Variants in MICAL3 observed in about 807,000 individuals in gnomAD.
MICAL3 encodes the protein [F-actin]-monooxygenase MICAL3.
A neutral mutation model predicts 207.4 loss-of-function variants in MICAL3; 62 were observed. The observed-to-expected ratio is 0.30, with a 90% CI of 0.24 to 0.37. The LOEUF is 0.37. Among genes scored for constraint, MICAL3 ranks in the 10% least tolerant of loss-of-function variants. MICAL3 has a pLI of 1.00. For missense variants in MICAL3, 2,368 were observed against 2,635.6 expected (o/e 0.90, Z 2.22); for synonymous variants, 1,077 against 1,069.3 (o/e 1.01, Z -0.14).
chr22:17,818,665 C>T lies in MICAL3; in HGVS notation c.3996G>A (p.Ala1332=), dbSNP rs372584456. 1.7e-4 allele frequency: 282 copies of T among 1,613,576 alleles called. No individual in the cohort carries two copies. The Middle Eastern group carries it at 3.0e-3, about 17-fold the overall frequency. The change falls in exon 26 of 32, where the codon GCG becomes GCA. Residue 1332 remains alanine (A), a synonymous_variant. Coordinates refer to ENST00000441493, the MANE Select transcript of MICAL3 (RefSeq NM_015241.3). ...DLVEEFWMKS[A]EIRRSLGLTP... is the part of the protein sequence containing the mutation. Reference sequence around the variant, plus strand: ...TGAGCCCGAGGCTGCGGCGGATCTCCGCACTCTTCATCCAGAACTCCTCCA... The same window carrying T: ...TGAGCCCGAGGCTGCGGCGGATCTCTGCACTCTTCATCCAGAACTCCTCCA...
intron 1 of MICAL3, among the ~76,000 whole-genome samples, chr22:17,982,522 T>C (rs948889295): frequency 2.0e-5 from 3 of 151,888 alleles, no homozygotes; most frequent in African/African-American, 7.3e-5. Flanking sequence ...AATACAAAAA[T>C]TAGGCAGGCG....
At chr22:17,909,852 C>A (rs190869094) in intron 1 of MICAL3, among the ~76,000 whole-genome samples, 1 of 152,328 alleles carries the variant, frequency 6.6e-6, no homozygotes, top group African/African-American at 2.4e-5. Context: ...AAAGGTCCCA[C>A]ACCATTTTCT....
chr22:17,981,230 TA>T (rs1935896203), intron 1 of MICAL3, among the ~76,000 whole-genome samples: 2 of 151,784 alleles, frequency 1.3e-5, no homozygotes, highest in South Asian at 4.2e-4. Flanking sequence ...AAATCTGTAA[TA>T]CTCTTCATTG....
intron 29 of MICAL3, 148 bp from the exon 30 acceptor site, chr22:17,791,449 C>T (rs2061823856): frequency 2.9e-6 from 2 of 700,784 alleles, no homozygotes; most frequent in Non-Finnish European, 4.9e-6. Flanking sequence ...TGCCTGCAGC[C>T]ATGGGGCCCT....
chr22:17,817,381 G>A lies in MICAL3; in HGVS notation c.5280C>T (p.Cys1760=). ...DKKKKADDKS[C]PSTPSSGATV... is the part of the protein sequence containing the mutation. ...TGGCCCCGCTGGAGGGGGTGCTGGG[G>A]CAGGACTTGTCGTCGGCCTTCTTCT... The change falls in exon 26 of 32, where the codon TGC becomes TGT. Residue 1760 remains cysteine, a synonymous_variant. Coordinates refer to ENST00000441493, the MANE Select transcript of MICAL3 (RefSeq NM_015241.3). The A allele has an allele frequency of 6.2e-7, 1 of 1,612,698 alleles. No homozygotes were observed.
At chr22:17,954,388 T>C (rs995623648) in intron 1 of MICAL3, among the ~76,000 whole-genome samples, 2 of 151,746 alleles carry the variant, frequency 1.3e-5, no homozygotes, top group African/African-American at 4.9e-5. Flanking sequence ...AAGAGGAACA[T>C]CAGGGGGAAG....
At chr22:17,836,992 T>C (rs1952394163) in intron 20 of MICAL3, among the ~76,000 whole-genome samples, 1 of 152,202 alleles carries the variant, frequency 6.6e-6, no homozygotes, top group African/African-American at 2.4e-5. Context: ...TTTTCACTTT[T>C]AAATTAACCT....
chr22:17,911,140 C>A (rs904244755), intron 1 of MICAL3, among the ~76,000 whole-genome samples: 3 of 152,182 alleles, frequency 2.0e-5, no homozygotes, highest in African/African-American at 7.2e-5. Flanking sequence ...CCCGCATGGG[C>A]CTTGGCTGTG....
intron 1 of MICAL3, among the ~76,000 whole-genome samples, chr22:17,951,532 C>T (rs1197561957): frequency 1.3e-5 from 2 of 151,662 alleles, no homozygotes; most frequent in African/African-American, 4.8e-5. Context: ...ACTCAGGGCA[C>T]AGAGAACAAA....
In MICAL3 at chr22:17,902,510, G is replaced by GCACA; in HGVS notation, c.589+117_589+120dup. On this transcript the variant is annotated intron_variant, in intron 4 of 31. Transcript: ENST00000441493. This position sits in a 1 kb window ranked among gnomAD's most constrained non-coding sequence, Gnocchi z 4.5. ...CTGCATCCAGGCCAAGTCCCCAAAG[G>GCACA]CACAGGCTTTGGCTAGCTCTGGAAG... 1 of 598,614 alleles carries GCACA rather than the reference G, an allele frequency of 1.7e-6. No homozygotes were observed. Among genetic ancestry groups the GCACA allele is most frequent in the Non-Finnish European group, 3.0e-6 (1 of 337,692 alleles). The allele number at this position is 598,614 out of a possible 1,614,324, so 37.1% of individuals were successfully genotyped here.
At chr22:17,829,194 G>A (rs1389504213) in intron 21 of MICAL3, among the ~76,000 whole-genome samples, 2 of 141,066 alleles carry the variant, frequency 1.4e-5, no homozygotes, top group Admixed American at 7.3e-5. Context: ...GAGACGAAGT[G>A]TCGCTCTTGT....
intron 1 of MICAL3, among the ~76,000 whole-genome samples, chr22:18,008,078 A>G (rs896718270): frequency 6.6e-6 from 1 of 151,098 alleles, no homozygotes; most frequent in African/African-American, 2.4e-5. Context: ...CTAAAATACT[A>G]AAAATACAAA....
At chr22:17,792,482 T>C (rs1027947720) in intron 29 of MICAL3, among the ~76,000 whole-genome samples, 1 of 152,108 alleles carries the variant, frequency 6.6e-6, no homozygotes, top group Non-Finnish European at 1.5e-5. Flanking sequence ...CTAGGCCAGT[T>C]AAGACAAGCC....
At chr22:17,912,401 A>C (rs528179311) in intron 1 of MICAL3, among the ~76,000 whole-genome samples, 86 of 151,288 alleles carry the variant, frequency 5.7e-4, no homozygotes, top group African/African-American at 1.8e-3. Context: ...GGATTTTGAT[A>C]GGGATTACAC....
intron 1 of MICAL3, among the ~76,000 whole-genome samples, chr22:17,917,010 C>T (rs1253702299): frequency 6.6e-6 from 1 of 151,964 alleles, no homozygotes; most frequent in Non-Finnish European, 1.5e-5. Flanking sequence ...TTACAACAGC[C>T]CTTACTACCG....
At chr22:17,880,549 G>A (rs576144074) in intron 16 of MICAL3, among the ~76,000 whole-genome samples, 15 of 152,342 alleles carry the variant, frequency 9.8e-5, no homozygotes, top group African/African-American at 3.6e-4. Context: ...TCTTTCCATA[G>A]ATCCTGCTCT....
At position 17,818,743 on chromosome 22, in the gene MICAL3, G is replaced by C. The variant is rs1444160965; in HGVS notation, c.3918C>G (p.Asp1306Glu). ...LPVQSQSDTK[D>E]RLGSPLAVDE... ...CCACAGCAAGGGGGCTGCCCAGTCT[G>C]TCCTTGGTGTCACTTTGGCTTTGGA... is the stretch of plus-strand genomic sequence containing the variant. The change falls in exon 26 of 32, where the codon GAC becomes GAG. Residue 1306 changes from aspartate to glutamate, a missense_variant. Asp to Glu is a conservative substitution (Grantham distance 45). This residue lies in a region of MICAL3 where 1,770 missense variants were observed against 1,863.2 expected (regional missense o/e 0.95). Transcript: ENST00000441493. 7 of 1,603,478 alleles carry C rather than the reference G, an allele frequency of 4.4e-6. No homozygotes were observed.
chr22:17,844,273 G>A (rs1335035481), intron 19 of MICAL3, among the ~76,000 whole-genome samples: 3 of 152,188 alleles, frequency 2.0e-5, no homozygotes, highest in Admixed American at 6.5e-5. Context: ...AGGAGACAAC[G>A]CTGGGTTTTG....
At chr22:17,994,370 G>T (rs1318308547) in intron 1 of MICAL3, among the ~76,000 whole-genome samples, 1 of 152,148 alleles carries the variant, frequency 6.6e-6, no homozygotes, top group Non-Finnish European at 1.5e-5. Flanking sequence ...TCCTCTCTTG[G>T]CTTCCAACAC....
Sources: gnomAD v4.1 joint callset for allele counts (sites outside exome capture counted in the v4.1 genomes callset) on GRCh38, gnomAD v4.1.1 for gene constraint, gnomAD v4.1.1 regional missense constraint, Gnocchi (gnomAD v3.1) non-coding constraint, MANE v1.5 for transcripts, NCBI Gene and HGNC (gene_info 2026-07-23, HGNC 2026-07-21) for gene names.